The following HYDIN variants were observed in gnomAD, a reference collection of about 807,000 sequenced individuals.
The protein encoded by HYDIN is axonemal central pair apparatus protein HYDIN.
In HYDIN, 132 loss-of-function variants were observed where a neutral mutation model predicts 403.9. That is an observed-to-expected ratio of 0.33 (90% CI 0.28 to 0.38). The LOEUF is 0.38. Ranked by LOEUF, HYDIN falls within the 10% of genes least tolerant of loss-of-function variation. HYDIN has a pLI of 1.00. For missense variants in HYDIN, 2,827 were observed against 5,009.5 expected, an observed-to-expected ratio of 0.56 and a Z score of 13.15; for synonymous variants, 1,202 against 1,891.7, an observed-to-expected ratio of 0.64 and a Z score of 9.46.
intron 1 of HYDIN, among the ~76,000 whole-genome samples, chr16:71,208,023 T>C (rs1056225730): frequency 6.6e-6 from 1 of 151,968 alleles, no homozygotes; most frequent in African/African-American, 2.4e-5. Context: ...GGCAGAAAAT[T>C]AACAAAGAAA....
intron 11 of HYDIN, among the ~76,000 whole-genome samples, chr16:71,093,196 T>TAATGTAAAA (rs1307593575): frequency 6.6e-6 from 1 of 152,224 alleles, no homozygotes; most frequent in Admixed American, 6.5e-5. Flanking sequence ...CAGTCTGATG[T>TAATGTAAAA]AATGTAAAAA....
intron 9 of HYDIN, 139 bp downstream of exon 9, chr16:71,129,501 G>C: frequency 4.5e-6 from 3 of 667,704 alleles, no homozygotes; most frequent in Non-Finnish European, 7.6e-6. Context: ...ATGTCTCACA[G>C]TGATGGTGAG....
chr16:70,972,089 A>G (rs1320584012), intron 35 of HYDIN, among the ~76,000 whole-genome samples: 6 of 150,848 alleles, frequency 4.0e-5, no homozygotes, highest in Non-Finnish European at 7.4e-5. Context: ...TAAGTAATGG[A>G]AAAAAAATCC....
At chr16:71,061,840 G>A (rs2082090920) in intron 17 of HYDIN, among the ~76,000 whole-genome samples, 1 of 149,464 alleles carries the variant, frequency 6.7e-6, no homozygotes, top group African/African-American at 2.5e-5. Flanking sequence ...AAGGACTGGA[G>A]AGGGGTCAGG....
chr16:71,067,422 GA>G (rs2082311532), intron 14 of HYDIN, 32 bp from the exon 15 acceptor site: 1 of 1,400,126 alleles, frequency 7.1e-7, no homozygotes. Context: ...GTTGGTCTTC[GA>G]AAAAGCACGT....
At position 70,938,596 on chromosome 16, in the gene HYDIN, C is replaced by A. The variant is rs371707675; in HGVS notation, c.6995+18G>T. On this transcript the variant is annotated intron_variant, in intron 44 of 85. Coordinates refer to ENST00000393567, the MANE Select transcript of HYDIN (RefSeq NM_001270974.2). Reference sequence around the variant, plus strand: ...CCCGGGGGAATGGCTTCTGCTCTGGCCAGCCCTTGGCCCTGACCTCTTCTT... The same window carrying A: ...CCCGGGGGAATGGCTTCTGCTCTGGACAGCCCTTGGCCCTGACCTCTTCTT... The A allele has an allele frequency of 6.5e-7, 1 of 1,539,512 alleles. No homozygotes were observed. The highest frequency in any genetic ancestry group is 1.3e-5 in the African/African-American group (1 of 74,136).
In HYDIN at chr16:70,937,406, G is replaced by T. The variant is rs530405481; in HGVS notation, c.6995+1208C>A. Among the ~76,000 whole-genome samples, 15 of 151,092 alleles carry T rather than the reference G, an allele frequency of 9.9e-5. No individual in the cohort carries two copies. In the South Asian group the frequency reaches 2.7e-3, roughly 28 times the overall value. ...CTCACGCCTGTAATCTCAGCACACT[G>T]GGAGGCTGAGGCAGGCAGATCACTT... On this transcript the variant is annotated intron_variant, in intron 44 of 85. Transcript: ENST00000393567.
chr16:70,862,022 G>A (rs772076021), intron 69 of HYDIN, 26 bp downstream of exon 69: 111 of 1,536,838 alleles, frequency 7.2e-5, no homozygotes, highest in Non-Finnish European at 9.0e-5. Flanking sequence ...GCCAAGAAGG[G>A]TGTTGTGGCG....
chr16:71,069,615 T>C (rs2082394005), intron 13 of HYDIN, 113 bp from the exon 14 acceptor site: 1 of 645,534 alleles, frequency 1.5e-6, no homozygotes, highest in Non-Finnish European at 2.7e-6. Flanking sequence ...TGCTATTCAT[T>C]ACTACTTAAC....
At position 70,804,847 on chromosome 16, in the gene HYDIN, A is replaced by G. The variant is rs1256952647; in HGVS notation, c.*2733T>C. Among the ~76,000 whole-genome samples the G allele has an allele frequency of 6.6e-6, 1 of 152,200 alleles. No homozygotes were observed. The highest frequency in any genetic ancestry group is 1.9e-4 in the East Asian group (1 of 5,188). ...CTCCCTGATCACTTTTATAAAATGT[A>G]TATGGACAGCTTCAGTGGCTTGGGG... is the stretch of plus-strand genomic sequence containing the variant. On this transcript the variant is annotated 3_prime_UTR_variant, in exon 86 of 86. Transcript: ENST00000393567.
rs1447442559 is a variant in HYDIN at position 70,889,660 on chromosome 16, A to C, written c.9701T>G (p.Phe3234Cys). 1.5e-6 allele frequency: 1 copy of C among 661,448 alleles called. No individual in the cohort carries two copies. Among genetic ancestry groups the C allele is most frequent in the East Asian group, 2.9e-5 (1 of 34,814 alleles). The allele number at this position is 661,448 out of a possible 1,614,324, so 41.0% of individuals were successfully genotyped here. A position where few individuals can be genotyped will look rare whatever the true frequency, so the allele number is the denominator to read the frequency against. The part of the protein sequence containing the change: ...RHARSRESES[F>C]YKTGSSRAAK... ...TGCTCTGGAAGAGCCAGTTTTGTAGAAGCTCTCACTTTCTCGGGATCTTGC... is the reference window on the plus strand; with the variant it reads ...TGCTCTGGAAGAGCCAGTTTTGTAGCAGCTCTCACTTTCTCGGGATCTTGC... Residue 3234 changes from phenylalanine (F) to cysteine (C), a missense_variant, in exon 58 of 86, where the codon TTC (phenylalanine) becomes TGC (cysteine). Coordinates refer to ENST00000393567, the MANE Select transcript of HYDIN (RefSeq NM_001270974.2).
intron 53 of HYDIN, among the ~76,000 whole-genome samples, chr16:70,897,906 C>T (rs1365868417): frequency 4.0e-5 from 6 of 151,742 alleles, no homozygotes; most frequent in Non-Finnish European, 7.4e-5. Flanking sequence ...CAGTGGCTCA[C>T]GCCTATAATC....
intron 6 of HYDIN, chr16:71,153,018 C>G (rs1454569799): frequency 2.0e-5 from 8 of 406,478 alleles, no homozygotes; most frequent in Non-Finnish European, 3.2e-5. Context: ...CAACAATATT[C>G]TTGTTTGTGT....
intron 10 of HYDIN, among the ~76,000 whole-genome samples, chr16:71,103,982 T>C (rs2083535832): frequency 6.6e-6 from 1 of 152,174 alleles, no homozygotes; most frequent in African/African-American, 2.4e-5. Flanking sequence ...ATGGGTCTTG[T>C]ATACATTTTG....
At position 71,230,423 on chromosome 16, in the gene HYDIN, G is replaced by A. The variant is rs1319088306; in HGVS notation, c.-24+139C>T. ...TGGGAGTGAGAAGTGGCTAGGGAAGGCTGAGGAGGGGAGGGGTCTGGAAAG... is the reference window on the plus strand; with the variant it reads ...TGGGAGTGAGAAGTGGCTAGGGAAGACTGAGGAGGGGAGGGGTCTGGAAAG... On this transcript the variant is annotated intron_variant, in intron 1 of 85. Transcript: ENST00000393567. 4.0e-6 allele frequency: 4 copies of A among 1,006,178 alleles called. No homozygotes were observed. In the East Asian group the frequency reaches 1.1e-4, roughly 28 times the overall value. 62.3% of individuals were successfully genotyped at this position (1,006,178 alleles called of 1,614,324 possible).
chr16:71,078,695 G>T (rs1393300263), intron 13 of HYDIN, among the ~76,000 whole-genome samples: 2 of 152,108 alleles, frequency 1.3e-5, no homozygotes, highest in Non-Finnish European at 2.9e-5. Context: ...TTGTAGAGAT[G>T]GGGTCTTGCT....
intron 44 of HYDIN, among the ~76,000 whole-genome samples, chr16:70,938,310 GGGCCCCAGGGCAGCACAGAGGCCAGT>G (rs1428404417): frequency 6.6e-6 from 1 of 152,238 alleles, no homozygotes; most frequent in Non-Finnish European, 1.5e-5. Flanking sequence ...GGGCCAGCAG[GGGCCCCAGGGCAGCACAGAGGCCAGT>G]GGCCCCTCTT....
intron 45 of HYDIN, among the ~76,000 whole-genome samples, chr16:70,923,066 C>G (rs1381797384): frequency 6.6e-6 from 1 of 151,824 alleles, no homozygotes; most frequent in South Asian, 2.1e-4. Flanking sequence ...CTATGCCTGG[C>G]CCCTTTTATA....
At chr16:71,064,921 A>G in intron 15 of HYDIN, 81 bp from the exon 16 acceptor site, 2 of 1,505,018 alleles carry the variant, frequency 1.3e-6, no homozygotes, top group Non-Finnish European at 9.0e-7. Context: ...AGCGAGATAC[A>G]TTTGTCAGTG....
Sources: allele counts gnomAD v4.1 joint callset (sites outside exome capture counted in the v4.1 genomes callset), GRCh38; gene constraint gnomAD v4.1.1; transcripts MANE v1.5; gene names NCBI Gene and HGNC (gene_info 2026-07-23, HGNC 2026-07-21).